The following ATRNL1 variants were observed in gnomAD, a reference collection of about 807,000 sequenced individuals.
ATRNL1 encodes the protein attractin like 1.
Under a neutral mutation model 182.7 loss-of-function variants are expected in ATRNL1, and 95 were observed. The ratio of observed to expected loss-of-function variants is 0.52; its 90% CI spans 0.44 to 0.62. ATRNL1 has a LOEUF of 0.62. ATRNL1 is among the 20% of genes least tolerant of loss of function. The pLI, the probability that ATRNL1 is intolerant of heterozygous loss-of-function variation, is 0.00. For missense variants in ATRNL1, 1,471 were observed against 1,679.5 expected (o/e 0.88, Z 2.17); for synonymous variants, 576 against 568.3 (o/e 1.01, Z -0.19).
intron 9 of ATRNL1, among the ~76,000 whole-genome samples, chr10:115,230,085 C>T (rs1379453177): frequency 6.6e-6 from 1 of 152,026 alleles, no homozygotes; most frequent in Non-Finnish European, 1.5e-5. Flanking sequence ...GCCAGCAAAC[C>T]TTTCATTTAG....
chr10:115,672,938 T>C lies in ATRNL1; in HGVS notation c.3796-54310T>C, dbSNP rs148802862. ...TTCCTCCACCCTCACCACACCTTGTTTTAGCAACTTAGTTCATTGCCAAAT... is the reference window on the plus strand; with the variant it reads ...TTCCTCCACCCTCACCACACCTTGTCTTAGCAACTTAGTTCATTGCCAAAT... On this transcript the variant is annotated intron_variant, in intron 26 of 28. Transcript: ENST00000355044. Among the ~76,000 whole-genome samples, 720 of 152,236 alleles carry C rather than the reference T, an allele frequency of 4.7e-3. 2 individuals carry two copies. Among genetic ancestry groups the C allele is most frequent in the Middle Eastern group, 0.01 (3 of 294 alleles).
chr10:115,145,582 C>G (rs1409720912), intron 5 of ATRNL1, among the ~76,000 whole-genome samples: 8 of 152,054 alleles, frequency 5.3e-5, no homozygotes, highest in Admixed American at 4.6e-4. Context: ...TTTTATGGGT[C>G]TAGAACATGT....
At chr10:115,421,045 C>T (rs560390517) in intron 20 of ATRNL1, among the ~76,000 whole-genome samples, 2 of 152,058 alleles carry the variant, frequency 1.3e-5, no homozygotes, top group Non-Finnish European at 2.9e-5. Flanking sequence ...AAGATTGAAT[C>T]AGTAAAACAA....
In ATRNL1 at chr10:115,759,025, A is replaced by C. The variant is rs565127809; in HGVS notation, c.3903+31670A>C. On this transcript the variant is annotated intron_variant, in intron 27 of 28. Transcript: ENST00000355044. ...ATTACAATTTTAAAATACTTCATTC[A>C]ATCTTTGCAACAGCCCATTAATATA... Among the ~76,000 whole-genome samples the C allele has an allele frequency of 2.6e-5, 4 of 152,332 alleles. No individual in the cohort carries two copies. The East Asian group carries it at 7.7e-4, about 29-fold the overall frequency.
At chr10:115,117,980 A>G (rs1399024713) in intron 1 of ATRNL1, among the ~76,000 whole-genome samples, 2 of 151,932 alleles carry the variant, frequency 1.3e-5, no homozygotes, top group Non-Finnish European at 2.9e-5. Context: ...TCATGTACGT[A>G]TTTGAAATTT....
intron 24 of ATRNL1, among the ~76,000 whole-genome samples, chr10:115,488,221 T>G (rs1554975636): frequency 6.6e-6 from 1 of 152,222 alleles, no homozygotes. Flanking sequence ...GGTGTCAGGA[T>G]GATGCTGGCC....
chr10:115,944,787 A>T lies in ATRNL1; in HGVS notation c.*8A>T. 1 of 1,612,448 alleles carries T rather than the reference A, an allele frequency of 6.2e-7. No homozygotes were observed. Among genetic ancestry groups the T allele is most frequent in the Non-Finnish European group, 8.5e-7 (1 of 1,179,010 alleles). ...CAAGGAACTTGTGTCTGAGAAATGG[A>T]AACCGCTCCTGTATATTCTGTACTG... On this transcript the variant is annotated 3_prime_UTR_variant, in exon 29 of 29. Transcript: ENST00000355044.
chr10:115,365,434 G>C (rs1396253050), intron 19 of ATRNL1, among the ~76,000 whole-genome samples: 21 of 151,872 alleles, frequency 1.4e-4, no homozygotes, highest in African/African-American at 5.1e-4. Flanking sequence ...AGTCTTGCTA[G>C]CGGTCTATGA....
chr10:115,507,230 C>T (rs1850158452), intron 24 of ATRNL1, among the ~76,000 whole-genome samples: 3 of 152,026 alleles, frequency 2.0e-5, no homozygotes, highest in East Asian at 1.9e-4. Context: ...AGCAGAGGGG[C>T]GACTTTGAAT....
rs561072785 is a variant in ATRNL1, at chr10:115,236,022, G to T, written c.1533-5549G>T. On this transcript the variant is annotated intron_variant, in intron 9 of 28. Coordinates refer to ENST00000355044, the MANE Select transcript of ATRNL1 (RefSeq NM_207303.4). Reference sequence around the variant, plus strand: ...TTTATTTAATGTTTTGTAATCAATTGCTATTCTTTATTCTGGTGCTTATAT... The same window carrying T: ...TTTATTTAATGTTTTGTAATCAATTTCTATTCTTTATTCTGGTGCTTATAT... Among the ~76,000 whole-genome samples the T allele has an allele frequency of 1.1e-4, 16 of 152,050 alleles. No homozygotes were observed. In the South Asian group the frequency reaches 1.7e-3, roughly 16 times the overall value.
chr10:115,883,144 C>G (rs1459088120), intron 28 of ATRNL1, among the ~76,000 whole-genome samples: 3 of 152,162 alleles, frequency 2.0e-5, no homozygotes, highest in Admixed American at 1.3e-4. Context: ...CTTCTGGACC[C>G]TGGACAACTC....
intron 21 of ATRNL1, among the ~76,000 whole-genome samples, chr10:115,440,226 C>G (rs554393542): frequency 6.6e-6 from 1 of 151,912 alleles, no homozygotes; most frequent in African/African-American, 2.4e-5. Flanking sequence ...TGTACTTTCC[C>G]TCTTCCATCC....
chr10:115,175,866 G>A (rs1847483407), intron 8 of ATRNL1, among the ~76,000 whole-genome samples: 1 of 152,032 alleles, frequency 6.6e-6, no homozygotes, highest in Admixed American at 6.6e-5. Flanking sequence ...GATGCTGTCA[G>A]AATAATTAAA....
Position 115,864,938 on chromosome 10 carries a change from T to G in ATRNL1, c.4018+16947T>G, listed in dbSNP as rs182449213. On this transcript the variant is annotated intron_variant, in intron 28 of 28. Coordinates refer to ENST00000355044, the MANE Select transcript of ATRNL1 (RefSeq NM_207303.4). ...CGGAGCTTGCAGTGAGCCGAGATGGTGCCATTGCACTCCAGCCTGGGCGAC... is the reference window on the plus strand; with the variant it reads ...CGGAGCTTGCAGTGAGCCGAGATGGGGCCATTGCACTCCAGCCTGGGCGAC... Among the ~76,000 whole-genome samples the G allele has an allele frequency of 4.9e-3, 720 of 147,914 alleles. 5 individuals are homozygous for G. The highest frequency in any genetic ancestry group is 0.016 in the African/African-American group (649 of 40,164).
At chr10:115,352,556 G>A (rs78058039) in intron 19 of ATRNL1, among the ~76,000 whole-genome samples, 3,254 of 152,002 alleles carry the variant, frequency 0.021, 104 homozygotes, top group African/African-American at 0.072. Context: ...CTTCAGCAGC[G>A]TATTGTTTCA....
intron 18 of ATRNL1, among the ~76,000 whole-genome samples, chr10:115,320,260 C>T (rs1293889696): frequency 1.3e-5 from 2 of 152,066 alleles, no homozygotes; most frequent in African/African-American, 4.8e-5. Flanking sequence ...GCTGAGAGGT[C>T]CACTATTAGT....
At chr10:115,330,783 G>C (rs898066415) in intron 18 of ATRNL1, among the ~76,000 whole-genome samples, 12 of 128,876 alleles carry the variant, frequency 9.3e-5, no homozygotes, top group Admixed American at 6.9e-4. Context: ...AATCTGTTTT[G>C]TTACCTTTCA....
At chr10:115,772,739 A>G (rs1251785198) in intron 27 of ATRNL1, among the ~76,000 whole-genome samples, 2 of 151,926 alleles carry the variant, frequency 1.3e-5, no homozygotes, top group African/African-American at 4.8e-5. Context: ...ATTGCTTTTC[A>G]TTTGGCAAAA....
intron 9 of ATRNL1, among the ~76,000 whole-genome samples, chr10:115,234,433 T>C (rs1554900771): frequency 6.6e-6 from 1 of 152,026 alleles, no homozygotes; most frequent in Admixed American, 6.6e-5. Flanking sequence ...TTTTAAAATA[T>C]ATTTACTAAA....
Sources: allele counts gnomAD v4.1 joint callset (sites outside exome capture counted in the v4.1 genomes callset), GRCh38; gene constraint gnomAD v4.1.1; transcripts MANE v1.5; gene names NCBI Gene and HGNC (gene_info 2026-07-23, HGNC 2026-07-21).